The following SPOP variants were observed in gnomAD, a reference collection of about 807,000 sequenced individuals.
The protein encoded by SPOP is speckle-type POZ protein.
SPOP carries 11 observed loss-of-function variants against 45.6 expected under a neutral mutation model. The observed-to-expected ratio is 0.24, with a 90% confidence interval of 0.15 to 0.40. SPOP has a LOEUF of 0.40. Ranked by LOEUF, SPOP falls within the 10% of genes least tolerant of loss-of-function variation. The pLI, the probability that SPOP is intolerant of heterozygous loss-of-function variation, is 1.00. For synonymous variants in SPOP, 166 were observed against 166.3 expected (o/e 1.00, Z 0.01); for missense variants, 152 against 465.6 (o/e 0.33, Z 6.20).
chr17:49,641,879 C>T (rs2072658891), intron 1 of SPOP, among the ~76,000 whole-genome samples: 2 of 151,458 alleles, frequency 1.3e-5, no homozygotes, highest in African/African-American at 2.4e-5. Flanking sequence ...AAAAATTAGC[C>T]GGGTGTGGTA....
At position 49,599,385 on chromosome 17, in the gene SPOP, C is replaced by T. The variant is rs951048440; in HGVS notation, c.*993G>A. 1.8e-5 allele frequency: 4 copies of T among 225,720 alleles called. No homozygotes were observed. Among genetic ancestry groups the T allele is most frequent in the Non-Finnish European group, 3.5e-5 (4 of 113,176 alleles). 14.0% of individuals were successfully genotyped at this position (225,720 alleles called of 1,614,324 possible). Reference sequence around the variant, plus strand: ...CTAGTCAGAAGGAACAGAACTGGCTCCTATGCAGGCGGCAAGTCAGGTACA... The same window carrying T: ...CTAGTCAGAAGGAACAGAACTGGCTTCTATGCAGGCGGCAAGTCAGGTACA... On this transcript the variant is annotated 3_prime_UTR_variant, in exon 10 of 10. Transcript: ENST00000504102.
intron 1 of SPOP, among the ~76,000 whole-genome samples, chr17:49,650,253 G>A (rs1040731633): frequency 6.6e-6 from 1 of 152,020 alleles, no homozygotes; most frequent in Non-Finnish European, 1.5e-5. Flanking sequence ...GGGGAGATGA[G>A]ATTTGTTTTC....
At chr17:49,647,313 TAAAAAAAAAAAAAA>T (rs1156781114) in intron 1 of SPOP, among the ~76,000 whole-genome samples, 27 of 43,160 alleles carry the variant, frequency 6.3e-4, no homozygotes, top group African/African-American at 2.2e-3. Flanking sequence ...GATGCCGTCT[TAAAAAAAAAAAAAA>T]AAAAAAAAAA....
At chr17:49,655,850 G>A (rs2072906109) in intron 1 of SPOP, among the ~76,000 whole-genome samples, 1 of 152,190 alleles carries the variant, frequency 6.6e-6, no homozygotes, top group South Asian at 2.1e-4. Flanking sequence ...CGCTCTTGTT[G>A]CCCAGGCTGG....
At chr17:49,654,312 C>T (rs1460542496) in intron 1 of SPOP, among the ~76,000 whole-genome samples, 1 of 152,162 alleles carries the variant, frequency 6.6e-6, no homozygotes, top group Non-Finnish European at 1.5e-5. Context: ...AGGCTGTTCT[C>T]AAACTCAGGG....
At chr17:49,624,308 A>AACAC (rs958798628) in intron 1 of SPOP, among the ~76,000 whole-genome samples, 2 of 136,352 alleles carry the variant, frequency 1.5e-5, no homozygotes, top group African/African-American at 5.6e-5. Context: ...CCTACGCGGG[A>AACAC]ACACACACAC....
intron 6 of SPOP, among the ~76,000 whole-genome samples, chr17:49,610,091 G>A (rs1028930045): frequency 5.3e-5 from 8 of 152,148 alleles, no homozygotes; most frequent in African/African-American, 1.9e-4. Context: ...TTAAAGAGTG[G>A]TTAAGGTTTG....
chr17:49,614,167 AC>A (rs2072034321), intron 5 of SPOP, among the ~76,000 whole-genome samples: 3 of 152,256 alleles, frequency 2.0e-5, no homozygotes, highest in Non-Finnish European at 4.4e-5. Context: ...TATAATTAAA[AC>A]AATCTAGGAA....
Position 49,607,319 on chromosome 17 carries a change from G to A in SPOP, c.768C>T (p.Cys256=). 2 of 1,614,044 alleles carry A rather than the reference G, an allele frequency of 1.2e-6. No individual in the cohort carries two copies. The highest frequency in any genetic ancestry group is 1.7e-6 in the Non-Finnish European group (2 of 1,180,004). ...TTGGAGCCTTCCCCGTGTAAATGAA[G>A]CACATCATTTCCTTAAAAACTTCAG... ...VEPEVFKEMM[C]FIYTGKAPNL... The change falls in exon 8 of 10, where the codon TGC becomes TGT. Residue 256 remains cysteine (C), a synonymous_variant. Coordinates refer to ENST00000504102, the MANE Select transcript of SPOP (RefSeq NM_001007228.2).
chr17:49,620,147 G>C (rs2072189618), intron 3 of SPOP, among the ~76,000 whole-genome samples: 1 of 150,976 alleles, frequency 6.6e-6, no homozygotes, highest in Admixed American at 6.6e-5. Context: ...TCCAGCCTGG[G>C]TAACAAGAAC....
rs959016638 is a variant in SPOP at position 49,600,078 on chromosome 17, C to G, written c.*300G>C. The G allele has an allele frequency of 4.3e-5, 15 of 350,154 alleles. No homozygotes were observed. Among genetic ancestry groups the G allele is most frequent in the Non-Finnish European group, 7.4e-5 (14 of 187,994 alleles). The allele number at this position is 350,154 out of a possible 1,614,324, so 21.7% of individuals were successfully genotyped here. A position where few individuals can be genotyped will look rare whatever the true frequency, so the allele number is the denominator to read the frequency against. Reference sequence around the variant, plus strand: ...TCAGTCAGATGCAGACAGGTGTCTCCGAAGTACCACCGCTGGGATATCCTC... The same window carrying G: ...TCAGTCAGATGCAGACAGGTGTCTCGGAAGTACCACCGCTGGGATATCCTC... On this transcript the variant is annotated 3_prime_UTR_variant, in exon 10 of 10. Coordinates refer to ENST00000504102, the MANE Select transcript of SPOP (RefSeq NM_001007228.2). The surrounding 1 kb of genome is among the most constrained non-coding windows in gnomAD (Gnocchi z 4.2).
chr17:49,616,555 G>A (rs1432941182), intron 5 of SPOP, among the ~76,000 whole-genome samples: 1 of 152,198 alleles, frequency 6.6e-6, no homozygotes, highest in Admixed American at 6.5e-5. Flanking sequence ...GATAAAATGT[G>A]CACCAAAAAT....
At chr17:49,654,747 T>C (rs1028840210) in intron 1 of SPOP, among the ~76,000 whole-genome samples, 1 of 152,168 alleles carries the variant, frequency 6.6e-6, no homozygotes, top group African/African-American at 2.4e-5. Context: ...ATCGCATCAA[T>C]GCACTCTAGC....
At chr17:49,616,126 T>C (rs931086404) in intron 5 of SPOP, among the ~76,000 whole-genome samples, 1 of 152,166 alleles carries the variant, frequency 6.6e-6, no homozygotes, top group Non-Finnish European at 1.5e-5. Flanking sequence ...GTGAACTCAA[T>C]GTAGGGCACA....
intron 5 of SPOP, among the ~76,000 whole-genome samples, chr17:49,617,538 C>T (rs930331130): frequency 1.3e-5 from 2 of 152,076 alleles, no homozygotes; most frequent in African/African-American, 2.4e-5. Context: ...GAGGGGATAC[C>T]AAATTATGCA....
Position 49,605,096 on chromosome 17 carries a change from G to A in SPOP, c.837+2154C>T, listed in dbSNP as rs568377769. ...CACCTTATTTTGGGAATCACTGACC[G>A]AATTATTTTAGGTAATCATCATATG... On this transcript the variant is annotated intron_variant, in intron 8 of 9. Transcript: ENST00000504102. Among the ~76,000 whole-genome samples, 14 of 152,218 alleles carry A rather than the reference G, an allele frequency of 9.2e-5. No homozygotes were observed. In the East Asian group the frequency reaches 2.3e-3, roughly 25 times the overall value.
intron 1 of SPOP, among the ~76,000 whole-genome samples, chr17:49,655,871 C>T (rs866581912): frequency 2.0e-5 from 3 of 152,098 alleles, no homozygotes; most frequent in African/African-American, 7.2e-5. Context: ...AGTATAATAG[C>T]GCAATCTTGG....
chr17:49,675,277 C>T (rs1452595450), intron 1 of SPOP, among the ~76,000 whole-genome samples: 5 of 152,188 alleles, frequency 3.3e-5, no homozygotes, highest in African/African-American at 1.2e-4. Context: ...ATGGAATTAT[C>T]TGCCATCTTT....
intron 1 of SPOP, among the ~76,000 whole-genome samples, chr17:49,635,759 C>T (rs1294968063): frequency 4.6e-5 from 7 of 151,352 alleles, no homozygotes; most frequent in African/African-American, 1.2e-4. Context: ...CTCAGCCTCC[C>T]GAGTAGCTGG....
Sources: allele counts gnomAD v4.1 joint callset (sites outside exome capture counted in the v4.1 genomes callset), GRCh38; gene constraint gnomAD v4.1.1; non-coding constraint Gnocchi (gnomAD v3.1); transcripts MANE v1.5; gene names NCBI Gene and HGNC (gene_info 2026-07-23, HGNC 2026-07-21).